The following DOCK11 variants were observed in gnomAD, a reference collection of about 807,000 sequenced individuals.
DOCK11 encodes the protein dedicator of cytokinesis 11, also known as dedicator of cytokinesis protein 11.
Under a neutral mutation model 169.1 loss-of-function variants are expected in DOCK11, and 70 were observed. That is an observed-to-expected ratio of 0.41 (90% CI 0.34 to 0.51). The LOEUF (loss-of-function observed/expected upper bound fraction) is 0.51, where lower values mean the gene tolerates loss of function less well. Among genes scored for constraint, DOCK11 ranks in the 20% least tolerant of loss-of-function variants. The probability of loss-of-function intolerance (pLI) is 0.10; values close to 1 mark genes in which losing one functional copy is unlikely to be tolerated. For missense variants in DOCK11, 1,166 were observed against 1,538.8 expected (o/e 0.76, Z 4.05); for synonymous variants, 529 against 541.3 (o/e 0.98, Z 0.32).
intron 14 of DOCK11, among the ~76,000 whole-genome samples, chrX:118,583,339 T>G (rs1172578638): frequency 9.1e-6 from 1 of 110,264 alleles, no homozygotes; most frequent in Non-Finnish European, 1.9e-5. Flanking sequence ...GATGATAGGT[T>G]GATGGGTACA....
intron 6 of DOCK11, among the ~76,000 whole-genome samples, chrX:118,546,431 A>T (rs2012285411): frequency 9.0e-6 from 1 of 111,598 alleles, no homozygotes; most frequent in African/African-American, 3.3e-5. Context: ...GACCTTAATG[A>T]GTGGAAGGAC....
chrX:118,598,453 G>C (rs183109981), intron 22 of DOCK11, among the ~76,000 whole-genome samples: 16 of 109,563 alleles, frequency 1.5e-4, no homozygotes, highest in Non-Finnish European at 2.7e-4. Flanking sequence ...CAAATTACAT[G>C]ATCTTTTAAT....
chrX:118,575,247 T>C (rs912770162), intron 12 of DOCK11, among the ~76,000 whole-genome samples: 11 of 111,515 alleles, frequency 9.9e-5, no homozygotes, highest in Non-Finnish European at 2.1e-4. Context: ...ATGTGTATGC[T>C]TATAAAAATT....
At chrX:118,630,184 A>G (rs988085528) in intron 34 of DOCK11, among the ~76,000 whole-genome samples, 195 bp from the exon 35 acceptor site, 5 of 111,906 alleles carry the variant, frequency 4.5e-5, no homozygotes, top group Non-Finnish European at 3.8e-5. Flanking sequence ...GAAGACTCCA[A>G]GGTAATTTCT....
chrX:118,650,750 A>G (rs1437960112), intron 41 of DOCK11, among the ~76,000 whole-genome samples: 3 of 111,716 alleles, frequency 2.7e-5, no homozygotes, highest in African/African-American at 9.8e-5. Flanking sequence ...TTCTGGGTCA[A>G]AGCATCAGTT....
intron 1 of DOCK11, among the ~76,000 whole-genome samples, chrX:118,500,935 G>A (rs1022149203): frequency 6.3e-5 from 7 of 111,052 alleles, no homozygotes; most frequent in African/African-American, 1.6e-4. Flanking sequence ...GAGCCACTTC[G>A]CCTGGCCACA....
At chrX:118,607,046 CCCTTTCCTTTCCTTTTCCTTTT>C (rs1376437501) in intron 24 of DOCK11, among the ~76,000 whole-genome samples, 3 of 107,773 alleles carry the variant, frequency 2.8e-5, no homozygotes, top group Non-Finnish European at 5.8e-5. Flanking sequence ...CCTTTCCTTT[CCCTTTCCTTTCCTTTTCCTTTT>C]CCTTTCCTTT....
intron 1 of DOCK11, among the ~76,000 whole-genome samples, chrX:118,526,242 C>T (rs774784265): frequency 8.9e-6 from 1 of 111,992 alleles, no homozygotes; most frequent in Admixed American, 9.5e-5. Context: ...TCTCACATCC[C>T]TTACTAAGCC....
chrX:118,580,234 G>A, intron 14 of DOCK11, 55 bp downstream of exon 14: 2 of 1,034,509 alleles, frequency 1.9e-6, no homozygotes, highest in Admixed American at 2.6e-5. Flanking sequence ...TGAAGTTAAG[G>A]GCTGTTATAC....
intron 41 of DOCK11, among the ~76,000 whole-genome samples, chrX:118,650,103 C>T (rs1364874571): frequency 1.8e-5 from 2 of 111,582 alleles, no homozygotes; most frequent in Non-Finnish European, 3.8e-5. Flanking sequence ...GGCCTACCTG[C>T]ACTTAAATCA....
chrX:118,625,409 G>T (rs193128257), intron 32 of DOCK11, among the ~76,000 whole-genome samples: 92 of 110,901 alleles, frequency 8.3e-4, no homozygotes, highest in African/African-American at 2.8e-3. Flanking sequence ...TACCCACCAC[G>T]GCCCCCAAAG....
At chrX:118,595,601 T>C (rs1293129071) in intron 20 of DOCK11, among the ~76,000 whole-genome samples, 1 of 111,985 alleles carries the variant, frequency 8.9e-6, no homozygotes, top group East Asian at 2.8e-4. Flanking sequence ...CATGTGTACA[T>C]CCTGAAAGCT....
At chrX:118,621,914 C>T (rs1453054042) in intron 31 of DOCK11, among the ~76,000 whole-genome samples, 1 of 111,235 alleles carries the variant, frequency 9.0e-6, no homozygotes, top group Non-Finnish European at 1.9e-5. Context: ...ATTACAAGTG[C>T]GAGACACCGT....
Position 118,685,679 on chromosome X carries a change from C to T in DOCK11, c.6103-9C>T. On this transcript the variant is annotated splice_polypyrimidine_tract_variant and intron_variant, in intron 52 of 52. Transcript: ENST00000276202. Reference sequence around the variant, plus strand: ...TTCATGATAATCATGCTGATTTCTTCTGTTTTAGATATTACAAGAAGACAC... The same window carrying T: ...TTCATGATAATCATGCTGATTTCTTTTGTTTTAGATATTACAAGAAGACAC... The T allele has an allele frequency of 8.3e-7, 1 of 1,200,423 alleles. No individual in the cohort carries two copies. The highest frequency in any genetic ancestry group is 1.1e-6 in the Non-Finnish European group (1 of 889,533).
chrX:118,685,546 A>G (rs956465527), intron 52 of DOCK11, 142 bp from the exon 53 acceptor site: 60 of 768,305 alleles, frequency 7.8e-5, no homozygotes, highest in Non-Finnish European at 1.0e-4. Flanking sequence ...CGGTAATGTT[A>G]TTCTTTGCTC....
intron 1 of DOCK11, among the ~76,000 whole-genome samples, chrX:118,520,938 A>G (rs1008713839): frequency 2.7e-5 from 3 of 111,957 alleles, no homozygotes; most frequent in Non-Finnish European, 3.8e-5. Flanking sequence ...TGACATCCAC[A>G]TAAGTGGGGG....
intron 14 of DOCK11, among the ~76,000 whole-genome samples, chrX:118,583,619 A>G (rs909261960): frequency 1.8e-5 from 2 of 110,721 alleles, no homozygotes; most frequent in African/African-American, 6.6e-5. Flanking sequence ...AAATGGGAGA[A>G]GAGGAGGGGA....
At chrX:118,496,513 A>ACACACACTCTCGCGCG (rs1399731881) in intron 1 of DOCK11, among the ~76,000 whole-genome samples, 1 of 112,809 alleles carries the variant, frequency 8.9e-6, no homozygotes, top group Non-Finnish European at 1.9e-5. Context: ...AGCGTTTGGC[A>ACACACACTCTCGCGCG]CACACACTCT....
At chrX:118,538,653 C>G (rs915685996) in intron 1 of DOCK11, 3 of 743,372 alleles carry the variant, frequency 4.0e-6, no homozygotes, top group Non-Finnish European at 4.8e-6. Flanking sequence ...TTACTTAGCA[C>G]TGCTCCGGAA....
Sources: gnomAD v4.1 joint callset for allele counts (sites outside exome capture counted in the v4.1 genomes callset) on GRCh38, gnomAD v4.1.1 for gene constraint, MANE v1.5 for transcripts, NCBI Gene and HGNC (gene_info 2026-07-23, HGNC 2026-07-21) for gene names.